Variants in EDIL3 observed in about 807,000 individuals in gnomAD.
EDIL3 encodes EGF like and discoidin domains 3, also known as EGF-like repeat and discoidin I-like domain-containing protein 3.
EDIL3 carries 37 observed loss-of-function variants against 67.4 expected under a neutral mutation model. That is an observed-to-expected ratio of 0.55 (90% CI 0.42 to 0.72). The LOEUF is 0.72. Ranked by LOEUF, EDIL3 falls within the 30% of genes least tolerant of loss-of-function variation. The probability of loss-of-function intolerance (pLI) is 0.00; values close to 1 mark genes in which losing one functional copy is unlikely to be tolerated. For synonymous variants in EDIL3, 195 were observed against 196.3 expected (o/e 0.99, Z 0.05); for missense variants, 527 against 586.3 (o/e 0.90, Z 1.04).
intron 9 of EDIL3, among the ~76,000 whole-genome samples, chr5:83,980,676 A>AATATATAT (rs113580835): frequency 7.1e-6 from 1 of 141,054 alleles, no homozygotes; most frequent in Non-Finnish European, 1.5e-5. Flanking sequence ...GAAAGATTGA[A>AATATATAT]ATATATATAT....
chr5:84,264,644 T>C (rs1391721876), intron 1 of EDIL3, among the ~76,000 whole-genome samples: 3 of 152,202 alleles, frequency 2.0e-5, no homozygotes, highest in African/African-American at 7.2e-5. Flanking sequence ...TTTTAGATAA[T>C]ATATTTTTGT....
At chr5:84,345,997 A>G (rs781749426) in intron 1 of EDIL3, among the ~76,000 whole-genome samples, 13 of 152,178 alleles carry the variant, frequency 8.5e-5, no homozygotes, top group African/African-American at 1.4e-4. Context: ...TTTTAAAAGA[A>G]CAATATTTGT....
At chr5:84,314,294 A>G (rs1746465939) in intron 1 of EDIL3, among the ~76,000 whole-genome samples, 1 of 152,190 alleles carries the variant, frequency 6.6e-6, no homozygotes, top group Non-Finnish European at 1.5e-5. Context: ...CATGGAGAAG[A>G]GGGTAGGAAC....
intron 4 of EDIL3, among the ~76,000 whole-genome samples, chr5:84,147,475 C>A (rs953585767): frequency 6.6e-6 from 1 of 151,666 alleles, no homozygotes; most frequent in Non-Finnish European, 1.5e-5. Flanking sequence ...ATAGATAATA[C>A]CCAACTGATT....
At chr5:84,330,582 TATA>T in intron 1 of EDIL3, among the ~76,000 whole-genome samples, 1 of 152,228 alleles carries the variant, frequency 6.6e-6, no homozygotes, top group South Asian at 2.1e-4. Flanking sequence ...GGTACAAACT[TATA>T]AGAAAATATA....
chr5:84,182,475 A>AAAAC (rs1317398230), intron 3 of EDIL3, among the ~76,000 whole-genome samples: 2 of 152,088 alleles, frequency 1.3e-5, no homozygotes. Context: ...AACTTTAAAA[A>AAAAC]AAACAAACAA....
chr5:84,159,298 TC>T (rs1389938558), intron 4 of EDIL3, among the ~76,000 whole-genome samples: 2 of 152,176 alleles, frequency 1.3e-5, no homozygotes, highest in East Asian at 3.9e-4. Flanking sequence ...GTATTTCTCT[TC>T]CTGCTGCATA....
intron 1 of EDIL3, among the ~76,000 whole-genome samples, chr5:84,382,224 G>C (rs1748091532): frequency 6.6e-6 from 1 of 152,220 alleles, no homozygotes; most frequent in East Asian, 1.9e-4. Context: ...AGAATATGGA[G>C]CATCCAGCTT....
intron 9 of EDIL3, among the ~76,000 whole-genome samples, chr5:84,024,031 G>A (rs1221036393): frequency 1.3e-5 from 2 of 152,128 alleles, no homozygotes; most frequent in Non-Finnish European, 2.9e-5. Context: ...ACCATGGACT[G>A]TAACTCAATT....
chr5:84,317,568 C>T (rs1393972397), intron 1 of EDIL3, among the ~76,000 whole-genome samples: 2 of 152,108 alleles, frequency 1.3e-5, no homozygotes, highest in African/African-American at 2.4e-5. Context: ...TCTGAATAGA[C>T]CAATAACAGG....
At chr5:83,984,054 A>C (rs145360791) in intron 9 of EDIL3, among the ~76,000 whole-genome samples, 1 of 152,152 alleles carries the variant, frequency 6.6e-6, no homozygotes, top group African/African-American at 2.4e-5. Context: ...ACAGAGGAAC[A>C]ATGGACACAG....
intron 3 of EDIL3, among the ~76,000 whole-genome samples, chr5:84,226,755 T>C (rs1033051201): frequency 1.3e-5 from 2 of 151,968 alleles, no homozygotes; most frequent in East Asian, 3.9e-4. Flanking sequence ...TAAAAATCTA[T>C]GCTAAAATCA....
chr5:84,314,873 C>A (rs76363545), intron 1 of EDIL3, among the ~76,000 whole-genome samples: 2,796 of 151,996 alleles, frequency 0.018, 87 homozygotes, highest in African/African-American at 0.064. Context: ...ATTATGCTAA[C>A]CCTATTAAGT....
At chr5:84,073,102 A>T (rs1030981601) in intron 6 of EDIL3, among the ~76,000 whole-genome samples, 1 of 152,178 alleles carries the variant, frequency 6.6e-6, no homozygotes. Flanking sequence ...AAACCACATG[A>T]TTATCTCAAT....
chr5:84,215,939 G>A (rs1475122441), intron 3 of EDIL3, among the ~76,000 whole-genome samples: 1 of 152,204 alleles, frequency 6.6e-6, no homozygotes, highest in Non-Finnish European at 1.5e-5. Context: ...TAGAGGGCCT[G>A]GGCAGAAGAG....
At chr5:84,191,052 G>A (rs1035263952) in intron 3 of EDIL3, among the ~76,000 whole-genome samples, 5 of 151,984 alleles carry the variant, frequency 3.3e-5, no homozygotes, top group Non-Finnish European at 7.4e-5. Context: ...ATAAATATCA[G>A]TAGCCCTTTT....
intron 2 of EDIL3, among the ~76,000 whole-genome samples, chr5:84,234,768 A>G (rs910711872): frequency 3.9e-5 from 6 of 152,284 alleles, no homozygotes; most frequent in African/African-American, 1.4e-4. Flanking sequence ...TGGCTATATC[A>G]TAAATTTGGT....
At chr5:84,282,548 G>GT (rs1167643463) in intron 1 of EDIL3, among the ~76,000 whole-genome samples, 4 of 152,036 alleles carry the variant, frequency 2.6e-5, no homozygotes, top group Admixed American at 1.3e-4. Context: ...AGTTTTTCCT[G>GT]TTTTTTGCAA....
intron 1 of EDIL3, among the ~76,000 whole-genome samples, chr5:84,286,561 T>G (rs996287048): frequency 2.0e-5 from 3 of 152,218 alleles, no homozygotes; most frequent in Non-Finnish European, 4.4e-5. Flanking sequence ...GCTTGCTTTT[T>G]TATTTTGTTA....
Sources: gnomAD v4.1 joint callset for allele counts (sites outside exome capture counted in the v4.1 genomes callset) on GRCh38, gnomAD v4.1.1 for gene constraint, MANE v1.5 for transcripts, NCBI Gene and HGNC (gene_info 2026-07-23, HGNC 2026-07-21) for gene names.